The following ATG16L2 variants were observed in gnomAD, a reference collection of about 807,000 sequenced individuals.
The protein encoded by ATG16L2 is protein Atg16l2.
Under a neutral mutation model 84.7 loss-of-function variants are expected in ATG16L2, and 77 were observed. The ratio of observed to expected loss-of-function variants is 0.91; its 90% CI spans 0.76 to 1.10. The LOEUF (loss-of-function observed/expected upper bound fraction) is 1.10. Ranked by LOEUF, ATG16L2 falls within the 50% of genes least tolerant of loss-of-function variation. The probability of loss-of-function intolerance (pLI) is 0.00; values close to 1 mark genes in which losing one functional copy is unlikely to be tolerated. For missense variants in ATG16L2, 782 were observed against 817.6 expected, an observed-to-expected ratio of 0.96 and a Z score of 0.53; for synonymous variants, 361 against 342.8, an observed-to-expected ratio of 1.05 and a Z score of -0.59.
chr11:72,834,949 T>C (rs949380526), intron 5 of ATG16L2, among the ~76,000 whole-genome samples: 2 of 152,216 alleles, frequency 1.3e-5, no homozygotes, highest in Non-Finnish European at 2.9e-5. Context: ...CATCAAGCAG[T>C]GGCAGGGCTA....
intron 17 of ATG16L2, 84 bp from the exon 18 acceptor site, chr11:72,829,219 A>T: frequency 6.8e-7 from 1 of 1,464,542 alleles, no homozygotes; most frequent in Non-Finnish European, 9.4e-7. Context: ...GCCTCAAACT[A>T]CCCAGGTCCA....
Position 72,827,252 on chromosome 11 carries a change from T to C in ATG16L2, c.1431T>C (p.Ile477=), listed in dbSNP as rs1860418955. The stretch of plus-strand genomic sequence containing the variant: ...TGGTGTGTGGGGACCATATCATCAT[T>C]AGTGGCCACAATGACCAGAAGATCC... ...NDVVCGDHII[I]SGHNDQKIRF... is the part of the protein sequence containing the mutation. The change falls in exon 14 of 18, where the codon ATT becomes ATC. Residue 477 remains isoleucine (I), a synonymous_variant. Transcript: ENST00000321297. 1.9e-6 allele frequency: 3 copies of C among 1,614,054 alleles called. No homozygotes were observed. Among genetic ancestry groups the C allele is most frequent in the Non-Finnish European group, 2.5e-6 (3 of 1,179,986 alleles).
In ATG16L2 at chr11:72,822,853, C is replaced by A; in HGVS notation, c.716C>A (p.Pro239Gln). The A allele has an allele frequency of 1.3e-6, 2 of 1,557,338 alleles. No homozygotes were observed. Among genetic ancestry groups the A allele is most frequent in the South Asian group, 2.4e-5 (2 of 84,574 alleles). The change falls in exon 7 of 18, where the codon CCG becomes CAG. Residue 239 changes from proline (P) to glutamine (Q), a missense_variant. By Grantham distance (76) the Pro-to-Gln change is moderately conservative (BLOSUM62 -1). Coordinates refer to ENST00000321297, the MANE Select transcript of ATG16L2 (RefSeq NM_033388.2). The surrounding 1 kb of genome is among the most constrained non-coding windows in gnomAD (Gnocchi z 4.2). The stretch of plus-strand genomic sequence containing the variant: ...AACTTCATTACCTCTCCTAGGGGCC[C>A]GGACACCCTAGGCGATGGGATGAGG... The part of the protein sequence containing the change: ...AKRTVSISEG[P>Q]DTLGDGMRER...
At chr11:72,828,302 G>C in intron 14 of ATG16L2, 57 bp from the exon 15 acceptor site, 2 of 1,598,192 alleles carry the variant, frequency 1.3e-6, no homozygotes, top group Non-Finnish European at 8.6e-7. Flanking sequence ...GCCCCTTCCT[G>C]TCAGGAGTGG....
chr11:72,841,246 A>G (rs1007623683), intron 5 of ATG16L2, among the ~76,000 whole-genome samples: 1 of 147,008 alleles, frequency 6.8e-6, no homozygotes, highest in Non-Finnish European at 1.5e-5. Context: ...AGGCAGGAGG[A>G]TCACTTGAGC....
downstream of ATG16L2, among the ~76,000 whole-genome samples, chr11:72,834,577 T>C (rs1422783798): frequency 1.3e-5 from 2 of 151,850 alleles, no homozygotes; most frequent in African/African-American, 2.4e-5. Flanking sequence ...GATAACCTCA[T>C]TCCATTCCTT....
chr11:72,825,296 C>T lies in ATG16L2; in HGVS notation c.997-6C>T. 1 of 1,612,726 alleles carries T rather than the reference C, an allele frequency of 6.2e-7. No homozygotes were observed. Among genetic ancestry groups the T allele is most frequent in the Non-Finnish European group, 8.5e-7 (1 of 1,179,482 alleles). On this transcript the variant is annotated splice_region_variant and splice_polypyrimidine_tract_variant and intron_variant, in intron 9 of 17. Transcript: ENST00000321297. ...GCCGGGGCACCAACCTCCCCTTTCC[C>T]CACAGGATGCCCACCTCTCTGAGGT...
At chr11:72,829,049 G>T in intron 17 of ATG16L2, 65 bp downstream of exon 17, 1 of 1,511,322 alleles carries the variant, frequency 6.6e-7, no homozygotes, top group South Asian at 1.1e-5. Flanking sequence ...TCCAGGTTCT[G>T]ACATACTGGG....
Position 72,823,256 on chromosome 11 carries a change from G to A in ATG16L2, c.824+295G>A, listed in dbSNP as rs181881012. On this transcript the variant is annotated intron_variant, in intron 7 of 17. Transcript: ENST00000321297. ...TAGCTGTCACCAGGAGAGAACCTGT[G>A]GGCAAAGCCCAGAGCCCAGTCATGC... 49 of 375,948 alleles carry A rather than the reference G, an allele frequency of 1.3e-4. 1 individual carries two copies. In the Admixed American group the frequency reaches 2.1e-3, roughly 16 times the overall value. The allele number at this position is 375,948 out of a possible 1,614,324, so 23.3% of individuals were successfully genotyped here.
intron 5 of ATG16L2, chr11:72,837,551 A>G (rs6592492): frequency 1 from 151,774 of 152,238 alleles, 75,656 homozygotes; most frequent in Middle Eastern, 1. Context: ...AGCGGACAGC[A>G]GACAGTCAGC....
In ATG16L2 at chr11:72,841,498, T is replaced by C. The variant is rs928395165; in HGVS notation, c.*22-1119T>C. ...GGGAAAGTACAGGGAGCTCCTCTTA[T>C]CTGGGCTGGGGTAGGGGCTGCTGGG... On this transcript the variant is annotated intron_variant, in intron 5 of 5. Coordinates refer to the ATG16L2 transcript ENST00000534905. The C allele has an allele frequency of 3.7e-6, 6 of 1,611,184 alleles. No homozygotes were observed. In the African/African-American group the frequency reaches 5.3e-5, roughly 14 times the overall value.
chr11:72,841,166 T>C (rs1860918810), intron 5 of ATG16L2, among the ~76,000 whole-genome samples: 1 of 151,552 alleles, frequency 6.6e-6, no homozygotes, highest in South Asian at 2.1e-4. Flanking sequence ...ATACCCTTTG[T>C]CCAGAAAAAA....
chr11:72,817,780 C>T lies in ATG16L2; in HGVS notation c.243C>T (p.Asp81=). Residue 81 remains aspartate (D), a synonymous_variant, in exon 3 of 18, where the codon GAC becomes GAT. Transcript: ENST00000321297. ...GPWEESELDS[D]QVPSLVALRV... ...GGGAGGAGTCAGAGCTTGACTCAGA[C>T]CAAGTCCCATCACTGGTCGCACTGA... 5 of 1,613,678 alleles carry T rather than the reference C, an allele frequency of 3.1e-6. No individual in the cohort carries two copies. The highest frequency in any genetic ancestry group is 4.2e-6 in the Non-Finnish European group (5 of 1,180,014).
At chr11:72,843,379 G>A (rs1281155267) in exon 6 of ATG16L2, 1 of 1,610,054 alleles carries the variant, frequency 6.2e-7, no homozygotes, top group East Asian at 2.2e-5. Context: ...ATTTAGACAG[G>A]GCACAACAAA....
intron 5 of ATG16L2, chr11:72,841,000 T>TTGAGCAATAATGCTGATGCATGCC: frequency 6.8e-7 from 1 of 1,480,638 alleles, no homozygotes. Flanking sequence ...ACTTGAGTTG[T>TTGAGCAATAATGCTGATGCATGCC]TGAGCAATAA....
At chr11:72,828,275 G>A (rs1471985197) in intron 14 of ATG16L2, 84 bp from the exon 15 acceptor site, 1 of 1,526,868 alleles carries the variant, frequency 6.5e-7, no homozygotes. Context: ...GGTTAGCTAG[G>A]AAGGCTGCTG....
downstream of ATG16L2, among the ~76,000 whole-genome samples, chr11:72,833,069 A>G (rs1293955710): frequency 2.6e-5 from 4 of 152,200 alleles, no homozygotes; most frequent in Non-Finnish European, 5.9e-5. Context: ...AGATGCCCCT[A>G]TCCTGTGCTC....
At chr11:72,827,011 GACCTCA>G (rs1860402952) in intron 13 of ATG16L2, 171 bp from the exon 14 acceptor site, 1 of 869,872 alleles carries the variant, frequency 1.1e-6, no homozygotes, top group South Asian at 1.8e-5. Context: ...GTTTCTTGGT[GACCTCA>G]GGCTGTGGGT....
intron 7 of ATG16L2, 93 bp from the exon 8 acceptor site, chr11:72,823,967 C>T (rs1179700368): frequency 5.6e-6 from 8 of 1,418,116 alleles, no homozygotes; most frequent in Non-Finnish European, 8.0e-6. Context: ...GGTTACAAGC[C>T]TCCAGGTCTC....
Sources: allele counts gnomAD v4.1 joint callset (sites outside exome capture counted in the v4.1 genomes callset), GRCh38; gene constraint gnomAD v4.1.1; non-coding constraint Gnocchi (gnomAD v3.1); transcripts MANE v1.5; gene names NCBI Gene and HGNC (gene_info 2026-07-23, HGNC 2026-07-21).